The following HABP2 variants were observed in gnomAD, a reference collection of about 807,000 sequenced individuals.
The protein encoded by HABP2 is hyaluronan binding protein 2.
HABP2 carries 65 observed loss-of-function variants against 66.5 expected under a neutral mutation model. The observed-to-expected ratio is 0.98, with a 90% CI of 0.80 to 1.20. HABP2 has a LOEUF of 1.20. HABP2 is among the 50% of genes most tolerant of loss of function. HABP2 has a pLI of 0.00. For missense variants in HABP2, 786 were observed against 691.0 expected (o/e 1.14, Z -1.54); for synonymous variants, 263 against 253.9 (o/e 1.04, Z -0.34).
chr10:113,578,518 TA>T, intron 6 of HABP2, 108 bp from the exon 7 acceptor site: 1 of 740,790 alleles, frequency 1.3e-6, no homozygotes, highest in Non-Finnish European at 2.3e-6. Flanking sequence ...CTCAGGGCGA[TA>T]AATATGCAGG....
rs146758495 is a variant in HABP2 at position 113,580,607 on chromosome 10, G to A, written c.753G>A (p.Ala251=). ...GEHNFCRNPD[A]DEKPWCFIKV... is the part of the protein sequence containing the mutation. ...TTTTGTATTTTAGAAACCCAGATGC[G>A]GACGAAAAGCCCTGGTGCTTTATTA... The change falls in exon 8 of 13, where the codon GCG becomes GCA. Residue 251 remains alanine (A), a synonymous_variant. Coordinates refer to ENST00000351270, the MANE Select transcript of HABP2 (RefSeq NM_004132.5). The A allele has an allele frequency of 1.5e-4, 229 of 1,572,126 alleles. No individual in the cohort carries two copies. The highest frequency in any genetic ancestry group is 9.2e-4 in the Admixed American group (55 of 59,974).
At chr10:113,573,484 A>G (rs1845351795) in intron 2 of HABP2, among the ~76,000 whole-genome samples, 1 of 152,228 alleles carries the variant, frequency 6.6e-6, no homozygotes. Context: ...ACCCCAGTTG[A>G]AACAGTTGAG....
chr10:113,582,260 G>T, intron 9 of HABP2, 129 bp downstream of exon 9: 1 of 859,914 alleles, frequency 1.2e-6, no homozygotes, highest in Non-Finnish European at 1.7e-6. Flanking sequence ...GGCAAAAGAA[G>T]GGCTCCTGAA....
chr10:113,561,318 G>C (rs969696963), intron 1 of HABP2, among the ~76,000 whole-genome samples: 10 of 152,138 alleles, frequency 6.6e-5, no homozygotes, highest in Non-Finnish European at 1.2e-4. Context: ...ACATGAGGGA[G>C]GATTTGGCCT....
At chr10:113,558,162 G>GCTTTGCTTTCC (rs746875155) in intron 1 of HABP2, among the ~76,000 whole-genome samples, 3 of 152,198 alleles carry the variant, frequency 2.0e-5, no homozygotes, top group Non-Finnish European at 4.4e-5. Flanking sequence ...TAGCCCCGAA[G>GCTTTGCTTTCC]CTTTGCTTTC....
chr10:113,567,411 C>T, intron 1 of HABP2, 78 bp from the exon 2 acceptor site: 1 of 1,102,816 alleles, frequency 9.1e-7, no homozygotes, highest in African/African-American at 1.5e-5. Flanking sequence ...CATACGATCT[C>T]CTCTGGCTGA....
At chr10:113,572,760 T>C (rs754442727) in intron 2 of HABP2, 2 of 446,962 alleles carry the variant, frequency 4.5e-6, no homozygotes, top group South Asian at 3.2e-5. Flanking sequence ...ATTTTCATAG[T>C]GGGGAAAAGC....
chr10:113,588,801 A>C lies in HABP2; in HGVS notation c.*432A>C, dbSNP rs1845737535. On this transcript the variant is annotated 3_prime_UTR_variant, in exon 13 of 13. Transcript: ENST00000351270. Reference sequence around the variant, plus strand: ...TCAGCCATCCACGTCTAGGTATCAGAGAGGACCACAAATACAACATTCTCC... The same window carrying C: ...TCAGCCATCCACGTCTAGGTATCAGCGAGGACCACAAATACAACATTCTCC... The C allele has an allele frequency of 3.2e-6, 2 of 616,128 alleles. No individual in the cohort carries two copies. Among genetic ancestry groups the C allele is most frequent in the Non-Finnish European group, 5.8e-6 (2 of 346,340 alleles). 38.2% of individuals were successfully genotyped at this position (616,128 alleles called of 1,614,324 possible). A position where few individuals can be genotyped will look rare whatever the true frequency, so the allele number is the denominator to read the frequency against.
upstream of HABP2, among the ~76,000 whole-genome samples, chr10:113,551,831 A>G (rs191415643): frequency 1.6e-3 from 250 of 151,792 alleles, 3 homozygotes; most frequent in African/African-American, 5.7e-3. Context: ...ATAATAATAA[A>G]AAGAAAAAGG....
At chr10:113,551,820 A>C (rs909922232), upstream of HABP2, among the ~76,000 whole-genome samples, 1 of 151,920 alleles carries the variant, frequency 6.6e-6, no homozygotes, top group African/African-American at 2.4e-5. Flanking sequence ...TAATAATAAT[A>C]ATAATAATAA....
rs1004002609 is a variant in HABP2 at position 113,582,036 on chromosome 10, C to A, written c.999C>A (p.Ser333=). The change falls in exon 9 of 13, where the codon TCC becomes TCA. Residue 333 remains serine, a synonymous_variant. Coordinates refer to ENST00000351270, the MANE Select transcript of HABP2 (RefSeq NM_004132.5). ...GKHPWQASLQ[S]SLPLTISMPQ... ...ACCCATGGCAGGCGTCCCTCCAGTC[C>A]TCGCTGCCTCTGACCATCTCCATGC... 1 of 1,613,866 alleles carries A rather than the reference C, an allele frequency of 6.2e-7. No individual in the cohort carries two copies. Among genetic ancestry groups the A allele is most frequent in the Non-Finnish European group, 8.5e-7 (1 of 1,179,988 alleles).
rs139330370 is a variant in HABP2 at position 113,567,521 on chromosome 10, C to T, written c.102C>T (p.Asp34=). The change falls in exon 2 of 13, where the codon GAC becomes GAT. Residue 34 remains aspartate, a synonymous_variant. Transcript: ENST00000351270. ...TGATGTCTTTATTGGAAAGCCTGGA[C>T]CCAGGTAAGTGTGCTGATCTCCCTG... is the stretch of plus-strand genomic sequence containing the variant. The part of the protein sequence containing the change: ...FSLMSLLESL[D]PDWTPDQYDY... 1.6e-4 allele frequency: 259 copies of T among 1,610,444 alleles called. No homozygotes were observed. The African/African-American group carries it at 3.0e-3, about 18-fold the overall frequency.
Position 113,579,263 on chromosome 10 carries a change from A to G in HABP2, c.740+465A>G, listed in dbSNP as rs148442171. Among the ~76,000 whole-genome samples the G allele has an allele frequency of 7.9e-3, 1,204 of 152,146 alleles. 21 individuals carry two copies. Among genetic ancestry groups the G allele is most frequent in the African/African-American group, 0.028 (1,148 of 41,488 alleles). Reference sequence around the variant, plus strand: ...ACCCTGTCTCAAAAAAAGAAAAAAAAAAAAGAAAAAATGTCTATTTCTTAC... The same window carrying G: ...ACCCTGTCTCAAAAAAAGAAAAAAAGAAAAGAAAAAATGTCTATTTCTTAC... On this transcript the variant is annotated intron_variant, in intron 7 of 12. Coordinates refer to ENST00000351270, the MANE Select transcript of HABP2 (RefSeq NM_004132.5).
chr10:113,552,748 C>T (rs773134479), upstream of HABP2, among the ~76,000 whole-genome samples: 14 of 152,252 alleles, frequency 9.2e-5, no homozygotes, highest in South Asian at 6.2e-4. Flanking sequence ...AGGCCTGTGG[C>T]ACAGGCTTCA....
chr10:113,583,300 G>A lies in HABP2; in HGVS notation c.1179G>A (p.Glu393=), dbSNP rs1356959365. 1 of 1,611,678 alleles carries A rather than the reference G, an allele frequency of 6.2e-7. No individual in the cohort carries two copies. The highest frequency in any genetic ancestry group is 2.2e-5 in the East Asian group (1 of 44,874). The stretch of plus-strand genomic sequence containing the variant: ...TTCATGAGCAGAGCTTTAGGGTGGA[G>A]AAGATATTCAAGTACAGCCACTACA... ...EEFHEQSFRV[E]KIFKYSHYNE... is the part of the protein sequence containing the mutation. The change falls in exon 10 of 13, where the codon GAG becomes GAA. Residue 393 remains glutamate, a synonymous_variant. Transcript: ENST00000351270.
In HABP2 at chr10:113,553,180, C is replaced by T. The variant is rs374937964; in HGVS notation, c.59C>T (p.Thr20Ile). Residue 20 changes from threonine to isoleucine, a missense_variant, in exon 1 of 13, where the codon ACA becomes ATA. Coordinates refer to ENST00000351270, the MANE Select transcript of HABP2 (RefSeq NM_004132.5). ...VLLLMALVGKTACGFSLMSLL... is the reference protein window; with the variant it reads ...VLLLMALVGKIACGFSLMSLL... ...CTGTTAATGGCTCTGGTGGGAAAGA[C>T]AGCCTGTGGGGTAAGTGTTCTTTTC... 2.0e-5 allele frequency: 32 copies of T among 1,609,764 alleles called. No individual in the cohort carries two copies. Among genetic ancestry groups the T allele is most frequent in the Admixed American group, 1.3e-4 (8 of 60,000 alleles).
chr10:113,588,506 G>T lies in HABP2; in HGVS notation c.*137G>T, dbSNP rs889648961. On this transcript the variant is annotated 3_prime_UTR_variant, in exon 13 of 13. Transcript: ENST00000351270. ...ATCCCTACTCTAAGCAGAGACAACTGCCACCCAGCCTGGGCCTTCCCAGAC... is the reference window on the plus strand; with the variant it reads ...ATCCCTACTCTAAGCAGAGACAACTTCCACCCAGCCTGGGCCTTCCCAGAC... 4.8e-6 allele frequency: 3 copies of T among 620,990 alleles called. No individual in the cohort carries two copies. Among genetic ancestry groups the T allele is most frequent in the Non-Finnish European group, 8.1e-6 (3 of 368,948 alleles). 38.5% of individuals were successfully genotyped at this position (620,990 alleles called of 1,614,324 possible). A position where few individuals can be genotyped will look rare whatever the true frequency, so the allele number is the denominator to read the frequency against.
At chr10:113,583,175 C>T (rs1409051277) in intron 9 of HABP2, 41 bp from the exon 10 acceptor site, 1 of 1,602,770 alleles carries the variant, frequency 6.2e-7, no homozygotes, top group African/African-American at 1.3e-5. Context: ...CACAGCTGAG[C>T]AGAAACAGTG....
In HABP2 at chr10:113,584,194, C is replaced by T. The variant is rs1330010984; in HGVS notation, c.1284C>T (p.Ser428=). ...KPVDGHCALE[S]KYVKTVCLPD... ...TGGATGGTCACTGTGCTCTAGAATC[C>T]AAATACGTGAAGACTGTGTGCTTGC... Residue 428 remains serine, a synonymous_variant, in exon 11 of 13, where the codon TCC becomes TCT. Transcript: ENST00000351270. 1 of 1,613,420 alleles carries T rather than the reference C, an allele frequency of 6.2e-7. No individual in the cohort carries two copies. Among genetic ancestry groups the T allele is most frequent in the African/African-American group, 1.3e-5 (1 of 74,908 alleles).
Sources: gnomAD v4.1 joint callset for allele counts (sites outside exome capture counted in the v4.1 genomes callset) on GRCh38, gnomAD v4.1.1 for gene constraint, MANE v1.5 for transcripts, NCBI Gene and HGNC (gene_info 2026-07-23, HGNC 2026-07-21) for gene names.